ZC3H7B: variants seen among roughly 807,000 people sequenced by gnomAD.
ZC3H7B encodes the protein zinc finger CCCH domain-containing protein 7B.
A neutral mutation model predicts 116.0 loss-of-function variants in ZC3H7B; 35 were observed. The ratio of observed to expected loss-of-function variants is 0.30; its 90% CI spans 0.23 to 0.40. ZC3H7B has a LOEUF of 0.40. Ranked by LOEUF, ZC3H7B falls within the 10% of genes least tolerant of loss-of-function variation. The pLI is 1.00. For missense variants in ZC3H7B, 1,011 were observed against 1,321.5 expected (o/e 0.77, Z 3.64); for synonymous variants, 502 against 545.6 (o/e 0.92, Z 1.11).
chr22:41,357,562 C>A lies in ZC3H7B; in HGVS notation c.*133C>A. The A allele has an allele frequency of 9.4e-7, 1 of 1,069,186 alleles. No individual in the cohort carries two copies. Among genetic ancestry groups the A allele is most frequent in the Non-Finnish European group, 1.3e-6 (1 of 773,526 alleles). 66.2% of individuals were successfully genotyped at this position (1,069,186 alleles called of 1,614,324 possible). Reference sequence around the variant, plus strand: ...TCAGGCAGCCCCCAGCCCCCTGAGGCCCTGTCCATCTTCTCCCCACCACCG... The same window carrying A: ...TCAGGCAGCCCCCAGCCCCCTGAGGACCTGTCCATCTTCTCCCCACCACCG... On this transcript the variant is annotated 3_prime_UTR_variant, in exon 23 of 23. Coordinates refer to ENST00000352645, the MANE Select transcript of ZC3H7B (RefSeq NM_017590.6). The surrounding 1 kb of genome is among the most constrained non-coding windows in gnomAD (Gnocchi z 5.4).
rs148287311 is a variant in ZC3H7B at position 41,328,087 on chromosome 22, A to G, written c.444+723A>G. Among the ~76,000 whole-genome samples the G allele has an allele frequency of 8.3e-4, 127 of 152,116 alleles. 11 individuals carry two copies. The East Asian group carries it at 0.025, about 29-fold the overall frequency. On this transcript the variant is annotated intron_variant, in intron 5 of 22. Transcript: ENST00000352645. ...GGTTGCAGTGAGCTGTGATTGCACC[A>G]TTGCACTTCAGCCTGAGTTTGACAA...
At chr22:41,326,676 C>T (rs191431605) in intron 4 of ZC3H7B, among the ~76,000 whole-genome samples, 6 of 152,324 alleles carry the variant, frequency 3.9e-5, no homozygotes, top group Admixed American at 3.9e-4. Flanking sequence ...CCTGTGCACC[C>T]ACTGACTCAG....
Position 41,349,012 on chromosome 22 carries a change from C to T in ZC3H7B, c.1767-108C>T. ...CATGGCCTGGATTTGGTACATAGAT[C>T]AGGGGGTGCCCAGGGAGAGCCTGGC... On this transcript the variant is annotated intron_variant, in intron 15 of 22. Transcript: ENST00000352645. This position sits in a 1 kb window ranked among gnomAD's most constrained non-coding sequence, Gnocchi z 4.9. 2 of 1,237,344 alleles carry T rather than the reference C, an allele frequency of 1.6e-6. No individual in the cohort carries two copies. The highest frequency in any genetic ancestry group is 3.0e-5 in the African/African-American group (2 of 67,322). 76.6% of individuals were successfully genotyped at this position (1,237,344 alleles called of 1,614,324 possible). A position where few individuals can be genotyped will look rare whatever the true frequency, so the allele number is the denominator to read the frequency against.
At position 41,360,063 on chromosome 22, in the gene ZC3H7B, A is replaced by G. The variant is rs901037336; in HGVS notation, c.*2634A>G. 6.6e-6 allele frequency: 1 copy of G among 152,500 alleles called. No individual in the cohort carries two copies. Among genetic ancestry groups the G allele is most frequent in the Non-Finnish European group, 1.5e-5 (1 of 68,044 alleles). The allele number at this position is 152,500 out of a possible 1,614,324, so 9.4% of individuals were successfully genotyped here. A position where few individuals can be genotyped will look rare whatever the true frequency, so the allele number is the denominator to read the frequency against. ...TTGATAATAATGTAGATGTTTTAAT[A>G]ACAATTTTTGTCCTTCTTAAAATAA... is the stretch of plus-strand genomic sequence containing the variant. On this transcript the variant is annotated 3_prime_UTR_variant, in exon 23 of 23. Transcript: ENST00000352645.
chr22:41,317,026 TTAG>T (rs2036194013), intron 1 of ZC3H7B, among the ~76,000 whole-genome samples: 1 of 152,074 alleles, frequency 6.6e-6, no homozygotes, highest in Non-Finnish European at 1.5e-5. Context: ...TTTTGTATTC[TTAG>T]TAGAGACAGT....
Position 41,325,714 on chromosome 22 carries a change from C to G in ZC3H7B, c.88-7C>G, listed in dbSNP as rs754522480. ...CATGAGCCCCCTACACACCTTGCCCCCAACAGGCCTTTCTGCTCAAGCTGG... is the reference window on the plus strand; with the variant it reads ...CATGAGCCCCCTACACACCTTGCCCGCAACAGGCCTTTCTGCTCAAGCTGG... On this transcript the variant is annotated splice_polypyrimidine_tract_variant and splice_region_variant and intron_variant, in intron 3 of 22. Coordinates refer to ENST00000352645, the MANE Select transcript of ZC3H7B (RefSeq NM_017590.6). The G allele has an allele frequency of 2.5e-6, 4 of 1,612,192 alleles. No individual in the cohort carries two copies. The highest frequency in any genetic ancestry group is 1.1e-5 in the South Asian group (1 of 90,578).
Position 41,312,254 on chromosome 22 carries a change from T to G in ZC3H7B, c.-6-8401T>G, listed in dbSNP as rs1352158982. Among the ~76,000 whole-genome samples the G allele has an allele frequency of 2.0e-5, 3 of 149,224 alleles. No homozygotes were observed. In the East Asian group the frequency reaches 6.0e-4, roughly 30 times the overall value. On this transcript the variant is annotated intron_variant, in intron 1 of 22. Transcript: ENST00000352645. ...GGCTGAGGCGGGCAGATCACCTGAGTCCAGGTGTTCAAGACCAGCCTGGAC... is the reference window on the plus strand; with the variant it reads ...GGCTGAGGCGGGCAGATCACCTGAGGCCAGGTGTTCAAGACCAGCCTGGAC...
At chr22:41,305,060 A>G (rs7287619) in intron 1 of ZC3H7B, among the ~76,000 whole-genome samples, 59,843 of 152,016 alleles carry the variant, frequency 0.39, 12,441 homozygotes, top group Non-Finnish European at 0.45. Context: ...AAAAACACAA[A>G]AATTGGCCGG....
chr22:41,352,275 G>A (rs149463344), intron 17 of ZC3H7B, among the ~76,000 whole-genome samples: 11 of 152,290 alleles, frequency 7.2e-5, no homozygotes, highest in African/African-American at 2.2e-4. Context: ...AGGTGATGTC[G>A]TGTTCTCAGC....
chr22:41,337,197 G>A (rs774419048), intron 7 of ZC3H7B, among the ~76,000 whole-genome samples: 5 of 151,888 alleles, frequency 3.3e-5, no homozygotes, highest in East Asian at 1.9e-4. Context: ...GCGTGGTGAC[G>A]GGTGCCTGTA....
rs1226550033 is a variant in ZC3H7B at position 41,348,152 on chromosome 22, G to A, written c.1751G>A (p.Ser584Asn). The change falls in exon 15 of 23, where the codon AGC becomes AAC. Residue 584 changes from serine to asparagine, a missense_variant. By Grantham distance (46) the Ser-to-Asn change is conservative (BLOSUM62 1). Around this residue, in one of 5 missense-constraint regions of ZC3H7B, gnomAD observed 406 missense variants for 590.2 expected, o/e 0.69. Coordinates refer to ENST00000352645, the MANE Select transcript of ZC3H7B (RefSeq NM_017590.6). ...TGCTCCAACCTGGCTGCCAAGCACA[G>A]CTTCTACAACAACAAGTGAGTGGGA... ...SVCSNLAAKH[S>N]FYNNKCLVHI... is the part of the protein sequence containing the mutation. 1.9e-6 allele frequency: 3 copies of A among 1,613,768 alleles called. No homozygotes were observed. The highest frequency in any genetic ancestry group is 3.3e-5 in the Admixed American group (2 of 59,998).
In ZC3H7B at chr22:41,302,173, G is replaced by A. The variant is rs2035975123; in HGVS notation, c.-7+401G>A. On this transcript the variant is annotated intron_variant, in intron 1 of 22. Coordinates refer to ENST00000352645, the MANE Select transcript of ZC3H7B (RefSeq NM_017590.6). The surrounding 1 kb of genome is among the most constrained non-coding windows in gnomAD (Gnocchi z 5.7). ...CCAGATGCTTTGCCGACCCCGCGCA[G>A]GGGGTCTCGGGGGCTGGCAGGGGCG... Among the ~76,000 whole-genome samples the A allele has an allele frequency of 2.0e-5, 3 of 152,078 alleles. No individual in the cohort carries two copies. The highest frequency in any genetic ancestry group is 4.8e-5 in the African/African-American group (2 of 41,434).
chr22:41,342,737 C>G (rs2036538213), intron 12 of ZC3H7B, 109 bp downstream of exon 12: 1 of 1,122,060 alleles, frequency 8.9e-7, no homozygotes, highest in African/African-American at 1.6e-5. Flanking sequence ...AGATAAGTGC[C>G]AGAAATCAGA....
intron 13 of ZC3H7B, among the ~76,000 whole-genome samples, chr22:41,343,793 G>A (rs576185566): frequency 1.9e-4 from 29 of 152,342 alleles, no homozygotes; most frequent in African/African-American, 2.9e-4. Context: ...GAGGCAGGTG[G>A]GACACATTTG....
rs148930506 is a variant in ZC3H7B at position 41,349,554 on chromosome 22, G to A, written c.1948+253G>A. 1.7e-3 allele frequency among the ~76,000 whole-genome samples: 261 copies of A among 152,244 alleles called. No homozygotes were observed. The highest frequency in any genetic ancestry group is 3.7e-3 in the South Asian group (18 of 4,830). ...CTGGGTTTTTCCCTTCGTAGGCACCGTCCAGGGAGCACGGAGAGGGGAGAG... is the reference window on the plus strand; with the variant it reads ...CTGGGTTTTTCCCTTCGTAGGCACCATCCAGGGAGCACGGAGAGGGGAGAG... On this transcript the variant is annotated intron_variant, in intron 16 of 22. Transcript: ENST00000352645. This position sits in a 1 kb window ranked among gnomAD's most constrained non-coding sequence, Gnocchi z 4.9.
At chr22:41,333,733 C>G (rs2145922762) in intron 7 of ZC3H7B, 1 of 152,242 alleles carries the variant, frequency 6.6e-6, no homozygotes, top group South Asian at 2.1e-4. Flanking sequence ...GGGCCAAGCA[C>G]TGAGCTTGGG....
At chr22:41,313,354 C>T (rs190480480) in intron 1 of ZC3H7B, among the ~76,000 whole-genome samples, 2 of 152,188 alleles carry the variant, frequency 1.3e-5, no homozygotes, top group East Asian at 1.9e-4. Context: ...CCTCGTGATC[C>T]GCCCACCTTG....
intron 2 of ZC3H7B, among the ~76,000 whole-genome samples, chr22:41,324,624 G>A (rs562035650): frequency 6.6e-6 from 1 of 152,344 alleles, no homozygotes; most frequent in South Asian, 2.1e-4. Context: ...TACTGAGGGA[G>A]CATTAGCCAC....
chr22:41,338,469 C>G lies in ZC3H7B; in HGVS notation c.625+114C>G. 9.3e-7 allele frequency: 1 copy of G among 1,076,274 alleles called. No individual in the cohort carries two copies. Among genetic ancestry groups the G allele is most frequent in the Non-Finnish European group, 1.4e-6 (1 of 725,618 alleles). 66.7% of individuals were successfully genotyped at this position (1,076,274 alleles called of 1,614,324 possible). Reference sequence around the variant, plus strand: ...ATGGGAGGGCCTCCGAGGGGTTCCCCACCCTGGTACTCCCTGAGGCATGGG... The same window carrying G: ...ATGGGAGGGCCTCCGAGGGGTTCCCGACCCTGGTACTCCCTGAGGCATGGG... On this transcript the variant is annotated intron_variant, in intron 8 of 22. Coordinates refer to ENST00000352645, the MANE Select transcript of ZC3H7B (RefSeq NM_017590.6). The surrounding 1 kb of genome is among the most constrained non-coding windows in gnomAD (Gnocchi z 4.5).
Sources: gnomAD v4.1 joint callset for allele counts (sites outside exome capture counted in the v4.1 genomes callset) on GRCh38, gnomAD v4.1.1 for gene constraint, gnomAD v4.1.1 regional missense constraint, Gnocchi (gnomAD v3.1) non-coding constraint, MANE v1.5 for transcripts, NCBI Gene and HGNC (gene_info 2026-07-23, HGNC 2026-07-21) for gene names.